CCSER1: variants seen among roughly 807,000 people sequenced by gnomAD.
CCSER1 encodes the protein coiled-coil serine rich protein 1.
Under a neutral mutation model 82.0 loss-of-function variants are expected in CCSER1, and 41 were observed. The observed-to-expected ratio is 0.50, with a 90% CI of 0.39 to 0.65. The LOEUF (loss-of-function observed/expected upper bound fraction) is 0.65, where lower values mean the gene tolerates loss of function less well. Among genes scored for constraint, CCSER1 ranks in the 30% least tolerant of loss-of-function variants. CCSER1 has a pLI of 0.00. For synonymous variants in CCSER1, 414 were observed against 383.9 expected (o/e 1.08, Z -0.92); for missense variants, 1,119 against 1,064.2 (o/e 1.05, Z -0.72).
chr4:90,767,962 A>C (rs1751500181), intron 7 of CCSER1, among the ~76,000 whole-genome samples: 1 of 152,168 alleles, frequency 6.6e-6, no homozygotes, highest in African/African-American at 2.4e-5. Context: ...CAAACAAGGA[A>C]GTTCTAATAG....
At chr4:91,593,504 G>C (rs1764372719) in intron 10 of CCSER1, among the ~76,000 whole-genome samples, 1 of 93,086 alleles carries the variant, frequency 1.1e-5, no homozygotes, top group South Asian at 2.9e-4. Context: ...AGTACAGACA[G>C]GGTTTCACCA....
intron 6 of CCSER1, among the ~76,000 whole-genome samples, chr4:90,671,011 A>G (rs1382366379): frequency 1.3e-5 from 2 of 152,090 alleles, no homozygotes; most frequent in Non-Finnish European, 2.9e-5. Context: ...GCTGCAGCCT[A>G]TTAAGTCTGT....
chr4:90,705,140 G>A (rs1366654544), intron 6 of CCSER1, among the ~76,000 whole-genome samples: 5 of 152,170 alleles, frequency 3.3e-5, no homozygotes. Flanking sequence ...ATGACATAAA[G>A]ATGGGGTTTT....
At position 91,242,032 on chromosome 4, in the gene CCSER1, AAAC is replaced by A. The variant is rs566236717; in HGVS notation, c.2217+156044_2217+156046del. On this transcript the variant is annotated intron_variant, in intron 10 of 10. Transcript: ENST00000509176. Reference sequence around the variant, plus strand: ...TACATTTTGGTAAATGACAAAAGAAAAACAACAAAGTTAATGAAAGATAGTAAG... The same window carrying A: ...TACATTTTGGTAAATGACAAAAGAAAAACAAAGTTAATGAAAGATAGTAAG... Among the ~76,000 whole-genome samples, 17 of 152,334 alleles carry A rather than the reference AAAC, an allele frequency of 1.1e-4. No individual in the cohort carries two copies. The South Asian group carries it at 3.1e-3, about 28-fold the overall frequency.
intron 10 of CCSER1, among the ~76,000 whole-genome samples, chr4:91,232,544 T>C (rs1738702760): frequency 6.6e-6 from 1 of 151,770 alleles, no homozygotes. Flanking sequence ...AATAACTAGT[T>C]GCTCAGAATA....
chr4:90,180,260 A>T (rs1733484281), intron 1 of CCSER1, among the ~76,000 whole-genome samples: 1 of 152,000 alleles, frequency 6.6e-6, no homozygotes, highest in Non-Finnish European at 1.5e-5. Flanking sequence ...AACTTTCTGA[A>T]GTATCATAAA....
At chr4:90,630,882 T>A (rs1206865345) in intron 6 of CCSER1, among the ~76,000 whole-genome samples, 2 of 141,146 alleles carry the variant, frequency 1.4e-5, no homozygotes, top group Non-Finnish European at 3.2e-5. Context: ...ATTATTATTA[T>A]TATTATTATT....
intron 10 of CCSER1, among the ~76,000 whole-genome samples, chr4:91,440,858 T>C (rs1406661551): frequency 6.6e-6 from 1 of 152,138 alleles, no homozygotes; most frequent in Non-Finnish European, 1.5e-5. Context: ...GCAAGTAAAC[T>C]AGAAAATCTA....
chr4:91,235,192 C>T (rs1324635103), intron 10 of CCSER1, among the ~76,000 whole-genome samples: 1 of 152,068 alleles, frequency 6.6e-6, no homozygotes, highest in East Asian at 1.9e-4. Flanking sequence ...TCTAGGTTAA[C>T]ATAATGTTAC....
At chr4:91,364,241 T>C (rs1171392739) in intron 10 of CCSER1, among the ~76,000 whole-genome samples, 2 of 152,074 alleles carry the variant, frequency 1.3e-5, no homozygotes, top group African/African-American at 2.4e-5. Context: ...CAGTTCAAAA[T>C]GCAAAGTTAC....
At chr4:90,725,141 A>G (rs1743410290) in intron 7 of CCSER1, 1 of 233,438 alleles carries the variant, frequency 4.3e-6, no homozygotes, top group Non-Finnish European at 8.8e-6. Flanking sequence ...TAATGCTACA[A>G]AGTTTGATGT....
chr4:91,199,598 G>A (rs1292833844), intron 10 of CCSER1, among the ~76,000 whole-genome samples: 1 of 151,992 alleles, frequency 6.6e-6, no homozygotes, highest in African/African-American at 2.4e-5. Flanking sequence ...TTGAGCTAAT[G>A]AGGTAAAGCT....
intron 10 of CCSER1, among the ~76,000 whole-genome samples, chr4:91,099,059 A>G (rs1724799352): frequency 1.3e-5 from 2 of 152,214 alleles, no homozygotes; most frequent in South Asian, 2.1e-4. Context: ...AGAATCTTCC[A>G]TAAGAAATTG....
intron 8 of CCSER1, among the ~76,000 whole-genome samples, chr4:90,911,670 G>T (rs532513507): frequency 4.4e-4 from 67 of 152,276 alleles, no homozygotes; most frequent in African/African-American, 1.6e-3. Flanking sequence ...ATGAGCTGAA[G>T]CAGGGCGAGG....
chr4:91,238,846 C>T (rs924050098), intron 10 of CCSER1, among the ~76,000 whole-genome samples: 11 of 148,850 alleles, frequency 7.4e-5, no homozygotes, highest in East Asian at 6.0e-4. Context: ...TTTTTTGAGA[C>T]GGAGTCTCGC....
chr4:90,289,478 AAG>A (rs1730526699), intron 1 of CCSER1, among the ~76,000 whole-genome samples: 2 of 152,060 alleles, frequency 1.3e-5, no homozygotes, highest in South Asian at 2.1e-4. Flanking sequence ...GAAAGTGAAA[AAG>A]AGAGTTCATC....
At chr4:91,092,709 C>T (rs1439312660) in intron 10 of CCSER1, among the ~76,000 whole-genome samples, 1 of 152,148 alleles carries the variant, frequency 6.6e-6, no homozygotes, top group African/African-American at 2.4e-5. Context: ...TAACTGTATC[C>T]ACCCTTCTTT....
At chr4:91,494,995 G>GTGTT (rs1161936765) in intron 10 of CCSER1, among the ~76,000 whole-genome samples, 10 of 151,760 alleles carry the variant, frequency 6.6e-5, no homozygotes, top group African/African-American at 2.4e-4. Flanking sequence ...TTGCTACGTG[G>GTGTT]TGTTTTGACT....
intron 7 of CCSER1, among the ~76,000 whole-genome samples, chr4:90,729,523 G>A (rs1332711302): frequency 6.6e-6 from 1 of 152,064 alleles, no homozygotes; most frequent in Non-Finnish European, 1.5e-5. Flanking sequence ...GGGAAAACTG[G>A]TAAATATAAT....
Sources: allele counts gnomAD v4.1 joint callset (sites outside exome capture counted in the v4.1 genomes callset), GRCh38; gene constraint gnomAD v4.1.1; transcripts MANE v1.5; gene names NCBI Gene and HGNC (gene_info 2026-07-23, HGNC 2026-07-21).